Variants in ACSL1 observed in about 807,000 individuals in gnomAD.
ACSL1 encodes the protein acyl-CoA synthetase long chain family member 1.
Under a neutral mutation model 98.4 loss-of-function variants are expected in ACSL1, and 41 were observed. The ratio of observed to expected loss-of-function variants is 0.42; its 90% CI spans 0.32 to 0.54. The LOEUF (loss-of-function observed/expected upper bound fraction) is 0.54. ACSL1 is among the 20% of genes least tolerant of loss of function. The pLI, the probability that ACSL1 is intolerant of heterozygous loss-of-function variation, is 0.13. For synonymous variants in ACSL1, 316 were observed against 322.7 expected, an observed-to-expected ratio of 0.98 and a Z score of 0.22; for missense variants, 734 against 883.1, an observed-to-expected ratio of 0.83 and a Z score of 2.14.
chr4:184,809,795 C>CA (rs904837496), intron 1 of ACSL1, among the ~76,000 whole-genome samples: 101 of 151,602 alleles, frequency 6.7e-4, no homozygotes, highest in African/African-American at 2.2e-3. Flanking sequence ...GACTCTGTCT[C>CA]AAAAAAAATA....
chr4:184,764,706 T>G, intron 15 of ACSL1, 147 bp downstream of exon 15: 1 of 671,418 alleles, frequency 1.5e-6, no homozygotes, highest in Non-Finnish European at 2.5e-6. Context: ...CTTACAAGAG[T>G]GTTTGCCCCC....
At chr4:184,809,930 T>C (rs948924423) in intron 1 of ACSL1, among the ~76,000 whole-genome samples, 1 of 152,254 alleles carries the variant, frequency 6.6e-6, no homozygotes, top group African/African-American at 2.4e-5. Flanking sequence ...TGGTTTTCTG[T>C]GGCATACATT....
intron 1 of ACSL1, among the ~76,000 whole-genome samples, chr4:184,816,840 T>C (rs1018070402): frequency 5.9e-5 from 9 of 152,158 alleles, no homozygotes; most frequent in African/African-American, 1.7e-4. Context: ...CTGACTGGCA[T>C]GTAGGCTGCA....
intron 15 of ACSL1, 25 bp downstream of exon 15, chr4:184,764,828 A>G (rs893955513): frequency 6.3e-7 from 1 of 1,597,294 alleles, no homozygotes; most frequent in African/African-American, 1.4e-5. Context: ...ACAAAATTCC[A>G]AAAAGGAGCC....
chr4:184,776,737 G>C, intron 6 of ACSL1, 75 bp from the exon 7 acceptor site: 1 of 1,524,636 alleles, frequency 6.6e-7, no homozygotes, highest in Non-Finnish European at 8.9e-7. Flanking sequence ...CCAGCACAAG[G>C]ATACTTGAAG....
chr4:184,771,557 T>C (rs1764518393), intron 10 of ACSL1, among the ~76,000 whole-genome samples: 1 of 152,188 alleles, frequency 6.6e-6, no homozygotes, highest in Non-Finnish European at 1.5e-5. Flanking sequence ...ACAGACAGAT[T>C]AAGTTTGGAC....
chr4:184,780,310 G>GC (rs1341914072), intron 5 of ACSL1, 22 bp downstream of exon 5: 1 of 1,590,390 alleles, frequency 6.3e-7, no homozygotes. Flanking sequence ...ATCATGCATA[G>GC]CAAGTACCTA....
At chr4:184,774,997 C>T (rs547707739) in intron 7 of ACSL1, among the ~76,000 whole-genome samples, 52 of 152,220 alleles carry the variant, frequency 3.4e-4, no homozygotes, top group Non-Finnish European at 6.9e-4. Flanking sequence ...CCCAATTCTT[C>T]AAAAACTGAT....
intron 1 of ACSL1, among the ~76,000 whole-genome samples, chr4:184,823,828 A>G (rs577557584): frequency 2.6e-5 from 4 of 152,332 alleles, no homozygotes; most frequent in African/African-American, 9.6e-5. Context: ...CTATCACATA[A>G]TCTGAATTAC....
intron 12 of ACSL1, chr4:184,768,043 G>A: frequency 2.1e-6 from 1 of 478,142 alleles, no homozygotes; most frequent in Non-Finnish European, 3.6e-6. Flanking sequence ...GAGGCTCAAA[G>A]TGTTTATTGT....
intron 1 of ACSL1, among the ~76,000 whole-genome samples, chr4:184,818,605 A>T (rs1307233705): frequency 3.3e-5 from 5 of 152,134 alleles, no homozygotes; most frequent in African/African-American, 4.8e-5. Context: ...TCAATCCATC[A>T]TTAGATAATC....
intron 2 of ACSL1, among the ~76,000 whole-genome samples, chr4:184,795,559 G>T (rs972628172): frequency 1.3e-5 from 2 of 152,038 alleles, no homozygotes; most frequent in African/African-American, 4.8e-5. Flanking sequence ...CCTAAGCCAG[G>T]CACTTAATAC....
At position 184,825,335 on chromosome 4, in the gene ACSL1, G is replaced by A. The variant is rs893772382; in HGVS notation, c.-33+581C>T. On this transcript the variant is annotated intron_variant, in intron 1 of 20. Transcript: ENST00000281455. This position sits in a 1 kb window ranked among gnomAD's most constrained non-coding sequence, Gnocchi z 4.7. ...CTCCACGGCCAAGTGCAAGGGCCAC[G>A]GGCACTCCTCTGGAGTCACCGAGAG... The A allele has an allele frequency of 3.9e-6, 3 of 766,138 alleles. No individual in the cohort carries two copies. Among genetic ancestry groups the A allele is most frequent in the Admixed American group, 6.2e-5 (1 of 16,010 alleles). 47.5% of individuals were successfully genotyped at this position (766,138 alleles called of 1,614,324 possible).
intron 1 of ACSL1, among the ~76,000 whole-genome samples, chr4:184,822,593 G>A (rs570656852): frequency 6.6e-6 from 1 of 152,202 alleles, no homozygotes; most frequent in Admixed American, 6.5e-5. Context: ...ACAAAAATTA[G>A]CTGGGCATAG....
At position 184,757,965 on chromosome 4, in the gene ACSL1, C is replaced by T; in HGVS notation, c.1783-45G>A. The T allele has an allele frequency of 6.4e-7, 1 of 1,566,084 alleles. No homozygotes were observed. The highest frequency in any genetic ancestry group is 8.8e-7 in the Non-Finnish European group (1 of 1,138,616). On this transcript the variant is annotated intron_variant, in intron 18 of 20. Coordinates refer to ENST00000281455, the MANE Select transcript of ACSL1 (RefSeq NM_001995.5). This position sits in a 1 kb window ranked among gnomAD's most constrained non-coding sequence, Gnocchi z 4.5. The stretch of plus-strand genomic sequence containing the variant: ...GTTATTACATAGCTTGATCCAAATG[C>T]TCTAAAATAGTGGTTCTTTATTTTT...
intron 3 of ACSL1, among the ~76,000 whole-genome samples, chr4:184,786,507 T>C (rs1414298789): frequency 6.6e-6 from 1 of 151,922 alleles, no homozygotes; most frequent in Non-Finnish European, 1.5e-5. Context: ...GGATATTTAC[T>C]ATCACAGACA....
intron 5 of ACSL1, among the ~76,000 whole-genome samples, chr4:184,777,856 G>A (rs6841747): frequency 1.4e-3 from 210 of 152,250 alleles, no homozygotes; most frequent in African/African-American, 4.6e-3. Context: ...AAAAGCAGGG[G>A]TAGTGAGAGC....
intron 10 of ACSL1, among the ~76,000 whole-genome samples, chr4:184,772,170 TA>T (rs1764611531): frequency 1.3e-5 from 2 of 152,358 alleles, no homozygotes; most frequent in South Asian, 4.1e-4. Flanking sequence ...ATTAGGAAAT[TA>T]AAATTTCACT....
chr4:184,759,095 T>C (rs567855627), intron 18 of ACSL1, among the ~76,000 whole-genome samples: 81 of 152,306 alleles, frequency 5.3e-4, no homozygotes, highest in African/African-American at 1.7e-3. Context: ...TTTTTATGGC[T>C]GCATAGTATT....
Sources: allele counts gnomAD v4.1 joint callset (sites outside exome capture counted in the v4.1 genomes callset), GRCh38; gene constraint gnomAD v4.1.1; non-coding constraint Gnocchi (gnomAD v3.1); transcripts MANE v1.5; gene names NCBI Gene and HGNC (gene_info 2026-07-23, HGNC 2026-07-21).